Variants in RPS6KC1 observed in about 807,000 individuals in gnomAD.
RPS6KC1 encodes inactive ribosomal protein S6 kinase delta-1.
In RPS6KC1, 54 loss-of-function variants were observed where a neutral mutation model predicts 103.8. The observed-to-expected ratio is 0.52, with a 90% confidence interval of 0.42 to 0.65. The LOEUF (loss-of-function observed/expected upper bound fraction) is 0.65. Ranked by LOEUF, RPS6KC1 falls within the 30% of genes least tolerant of loss-of-function variation. RPS6KC1 has a pLI of 0.00. For missense variants in RPS6KC1, 1,151 were observed against 1,253.8 expected (o/e 0.92, Z 1.24); for synonymous variants, 439 against 438.7 (o/e 1.00, Z -0.01).
At chr1:213,360,994 A>G in the RPS6KC1 span, among the ~76,000 whole-genome samples, 3 of 152,234 alleles carry the variant, frequency 2.0e-5, no homozygotes, top group South Asian at 6.2e-4. Flanking sequence ...CAGTTAGGCT[A>G]CTCAGGGGTC....
the RPS6KC1 span, among the ~76,000 whole-genome samples, chr1:213,774,564 A>G: frequency 6.6e-6 from 1 of 152,344 alleles, no homozygotes; most frequent in South Asian, 2.1e-4. Context: ...GTACACAAAG[A>G]AAATACTTGC....
At chr1:213,073,803 A>G (rs886621013) in intron 2 of RPS6KC1, among the ~76,000 whole-genome samples, 5 of 151,932 alleles carry the variant, frequency 3.3e-5, no homozygotes, top group African/African-American at 9.7e-5. Context: ...AGCCTCCTGA[A>G]TAGCTGGGAC....
the RPS6KC1 span, among the ~76,000 whole-genome samples, chr1:213,574,380 T>C: frequency 6.6e-6 from 1 of 152,214 alleles, no homozygotes; most frequent in Non-Finnish European, 1.5e-5. Flanking sequence ...CTAAAGGCAT[T>C]TTCATTTTAA....
chr1:213,428,528 CTCTCTCTCTCTCTT>C, the RPS6KC1 span, among the ~76,000 whole-genome samples: 1 of 57,384 alleles, frequency 1.7e-5, no homozygotes, highest in Non-Finnish European at 3.6e-5. Context: ...CTCTTTCTCT[CTCTCTCTCTCTCTT>C]TCTTTCTTTC....
chr1:213,110,744 C>A (rs1056903701), intron 4 of RPS6KC1, among the ~76,000 whole-genome samples: 1 of 151,996 alleles, frequency 6.6e-6, no homozygotes, highest in Non-Finnish European at 1.5e-5. Flanking sequence ...GCCAGGTATT[C>A]GTGGATAGCT....
At chr1:213,414,449 G>A in the RPS6KC1 span, among the ~76,000 whole-genome samples, 1 of 152,156 alleles carries the variant, frequency 6.6e-6, no homozygotes, top group South Asian at 2.1e-4. Flanking sequence ...ATAGAACAGA[G>A]AGCCATAGAG....
the RPS6KC1 span, among the ~76,000 whole-genome samples, chr1:213,417,146 T>TTCC: frequency 6.6e-6 from 1 of 152,106 alleles, no homozygotes; most frequent in Non-Finnish European, 1.5e-5. Flanking sequence ...TCCACGGTCT[T>TTCC]TCCTCCTCCT....
intron 6 of RPS6KC1, among the ~76,000 whole-genome samples, chr1:213,159,944 A>G (rs1446232265): frequency 6.6e-6 from 1 of 152,238 alleles, no homozygotes; most frequent in Non-Finnish European, 1.5e-5. Flanking sequence ...AAAAAACCCT[A>G]AATGAAAATC....
the RPS6KC1 span, among the ~76,000 whole-genome samples, chr1:213,746,557 A>G: frequency 1.3e-5 from 2 of 152,234 alleles, no homozygotes; most frequent in Non-Finnish European, 2.9e-5. Flanking sequence ...TCTGCAGGCA[A>G]TAGGGAGCCA....
chr1:213,671,086 C>T, the RPS6KC1 span, among the ~76,000 whole-genome samples: 8 of 152,198 alleles, frequency 5.3e-5, no homozygotes, highest in African/African-American at 9.7e-5. Context: ...CCACAGCACT[C>T]GGTTCCAACC....
chr1:213,268,206 A>G (rs1408266230), intron 14 of RPS6KC1, among the ~76,000 whole-genome samples: 1 of 152,022 alleles, frequency 6.6e-6, no homozygotes, highest in Non-Finnish European at 1.5e-5. Context: ...AATAACTTAC[A>G]TAGAAGGAAG....
At chr1:213,104,181 A>T (rs896476839) in intron 3 of RPS6KC1, among the ~76,000 whole-genome samples, 1 of 152,184 alleles carries the variant, frequency 6.6e-6, no homozygotes, top group East Asian at 1.9e-4. Context: ...CTTAAATGTC[A>T]ACTTTCTTAA....
chr1:213,544,149 T>A, the RPS6KC1 span, among the ~76,000 whole-genome samples: 2,299 of 152,104 alleles, frequency 0.015, 58 homozygotes, highest in African/African-American at 0.052. Flanking sequence ...AGTAAAAACA[T>A]ATCACATAAG....
In RPS6KC1 at chr1:213,104,509, A is replaced by G. The variant is rs771006299; in HGVS notation, c.318A>G (p.Leu106=). 8 of 1,612,768 alleles carry G rather than the reference A, an allele frequency of 5.0e-6. No homozygotes were observed. The highest frequency in any genetic ancestry group is 2.2e-5 in the East Asian group (1 of 44,808). Residue 106 remains leucine (L), a synonymous_variant, in exon 4 of 15, where the codon CTA becomes CTG. Coordinates refer to ENST00000366960, the MANE Select transcript of RPS6KC1 (RefSeq NM_012424.6). The part of the protein sequence containing the change: ...EERRQCAEDL[L]QFSANIPALY... ...GAAGACAATGTGCTGAAGACCTGCTACAGTTCTCTGCCAATATTCCTGCTC... is the reference window on the plus strand; with the variant it reads ...GAAGACAATGTGCTGAAGACCTGCTGCAGTTCTCTGCCAATATTCCTGCTC...
chr1:213,481,909 G>A, the RPS6KC1 span, among the ~76,000 whole-genome samples: 1 of 152,148 alleles, frequency 6.6e-6, no homozygotes, highest in Non-Finnish European at 1.5e-5. Context: ...CTCATGAATG[G>A]TTTGGCACCA....
At chr1:213,424,045 G>A in the RPS6KC1 span, among the ~76,000 whole-genome samples, 1 of 152,192 alleles carries the variant, frequency 6.6e-6, no homozygotes, top group African/African-American at 2.4e-5. Context: ...GCCTCCCCTT[G>A]GTAAAGATGG....
chr1:213,561,248 C>T, the RPS6KC1 span, among the ~76,000 whole-genome samples: 1 of 152,144 alleles, frequency 6.6e-6, no homozygotes, highest in Non-Finnish European at 1.5e-5. Flanking sequence ...TGTCCCCTTC[C>T]CATGAAATTT....
chr1:213,543,744 C>T, the RPS6KC1 span, among the ~76,000 whole-genome samples: 1 of 152,184 alleles, frequency 6.6e-6, no homozygotes, highest in African/African-American at 2.4e-5. Context: ...CTTTACTCGG[C>T]TAGAATTTTT....
chr1:213,666,835 G>A, the RPS6KC1 span, among the ~76,000 whole-genome samples: 1 of 152,234 alleles, frequency 6.6e-6, no homozygotes, highest in Admixed American at 6.5e-5. Context: ...AGCAACAGCT[G>A]TTCACCTGGC....
Sources: allele counts gnomAD v4.1 joint callset (sites outside exome capture counted in the v4.1 genomes callset), GRCh38; gene constraint gnomAD v4.1.1; transcripts MANE v1.5; gene names NCBI Gene and HGNC (gene_info 2026-07-23, HGNC 2026-07-21).